Variants in EXOC4 observed in about 807,000 individuals in gnomAD.
The protein encoded by EXOC4 is exocyst complex component 4.
In EXOC4, 71 loss-of-function variants were observed where a neutral mutation model predicts 107.2. That is an observed-to-expected ratio of 0.66 (90% CI 0.55 to 0.81). EXOC4 has a LOEUF of 0.81. EXOC4 is among the 30% of genes least tolerant of loss of function. The pLI, the probability that EXOC4 is intolerant of heterozygous loss-of-function variation, is 0.00. For missense variants in EXOC4, 1,108 were observed against 1,189.6 expected (o/e 0.93, Z 1.01); for synonymous variants, 456 against 441.2 (o/e 1.03, Z -0.42).
At chr7:133,939,449 A>G (rs1222076891) in intron 14 of EXOC4, among the ~76,000 whole-genome samples, 1 of 152,188 alleles carries the variant, frequency 6.6e-6, no homozygotes, top group Non-Finnish European at 1.5e-5. Flanking sequence ...TGGGCTTCAG[A>G]GGGAGATCAT....
At chr7:133,306,134 ATGT>A in intron 4 of EXOC4, 73 bp downstream of exon 4, 1 of 1,282,004 alleles carries the variant, frequency 7.8e-7, no homozygotes, top group Non-Finnish European at 1.1e-6. Flanking sequence ...GTTTCCCAGA[ATGT>A]TGTTGTAATT....
chr7:133,599,679 A>G (rs1043054877), intron 9 of EXOC4, among the ~76,000 whole-genome samples: 1 of 152,118 alleles, frequency 6.6e-6, no homozygotes, highest in East Asian at 1.9e-4. Flanking sequence ...GCAGAGACCA[A>G]ACCTTTTATT....
chr7:133,677,622 C>T (rs1260626412), intron 10 of EXOC4, among the ~76,000 whole-genome samples: 4 of 152,052 alleles, frequency 2.6e-5, no homozygotes, highest in Non-Finnish European at 2.9e-5. Context: ...AGGTTAATTT[C>T]GCAAATATTT....
the EXOC4 span, among the ~76,000 whole-genome samples, chr7:134,090,878 T>A: frequency 6.6e-6 from 1 of 152,002 alleles, no homozygotes; most frequent in Non-Finnish European, 1.5e-5. Flanking sequence ...CAGAAGGGAC[T>A]TTACCGAGAG....
chr7:133,926,042 C>CAAA lies in EXOC4; in HGVS notation c.2027+8321_2027+8323dup, dbSNP rs552126104. On this transcript the variant is annotated intron_variant, in intron 13 of 17. Transcript: ENST00000253861. ...TAGGCAACAGAGCAAGACTCCGTCT[C>CAAA]AAAAAAAAAAAAAAAAAAAGAAGAA... is the stretch of plus-strand genomic sequence containing the variant. Among the ~76,000 whole-genome samples, 67 of 104,628 alleles carry CAAA rather than the reference C, an allele frequency of 6.4e-4. 1 individual carries two copies. The highest frequency in any genetic ancestry group is 1.9e-3 in the African/African-American group (57 of 29,354). 68.6% of individuals were successfully genotyped at this position (104,628 alleles called of 152,430 possible).
intron 11 of EXOC4, among the ~76,000 whole-genome samples, chr7:133,835,717 A>G (rs922307494): frequency 3.3e-5 from 5 of 152,198 alleles, no homozygotes; most frequent in Non-Finnish European, 2.9e-5. Context: ...AAATCATGCT[A>G]TAGTTCATAT....
intron 10 of EXOC4, among the ~76,000 whole-genome samples, chr7:133,745,476 C>T (rs1795654329): frequency 6.6e-6 from 1 of 151,956 alleles, no homozygotes; most frequent in African/African-American, 2.4e-5. Flanking sequence ...ATTTTGTACA[C>T]AGTGTTCTAT....
At chr7:133,974,565 C>T (rs1212717857) in intron 14 of EXOC4, among the ~76,000 whole-genome samples, 1 of 152,084 alleles carries the variant, frequency 6.6e-6, no homozygotes, top group Non-Finnish European at 1.5e-5. Context: ...TATTATTCTC[C>T]AGACATACCT....
downstream of EXOC4, among the ~76,000 whole-genome samples, chr7:134,067,634 TATATACACACACAC>T (rs1482186844): frequency 3.7e-5 from 5 of 133,758 alleles, no homozygotes; most frequent in East Asian, 2.2e-4. Flanking sequence ...CTTATATATA[TATATACACACACAC>T]ACACACACAC....
At chr7:133,993,311 A>G (rs779084470) in intron 14 of EXOC4, among the ~76,000 whole-genome samples, 1 of 152,184 alleles carries the variant, frequency 6.6e-6, no homozygotes, top group East Asian at 1.9e-4. Context: ...TCAATGTTAC[A>G]TGAGTTTTAG....
chr7:133,550,488 T>A (rs1239305644), intron 9 of EXOC4, among the ~76,000 whole-genome samples: 2 of 152,204 alleles, frequency 1.3e-5, no homozygotes, highest in East Asian at 1.9e-4. Context: ...TTTGAGACTA[T>A]AAAATCTATA....
intron 11 of EXOC4, among the ~76,000 whole-genome samples, chr7:133,879,356 A>G (rs1798916795): frequency 6.6e-6 from 1 of 152,050 alleles, no homozygotes; most frequent in Admixed American, 6.5e-5. Context: ...GGCCTCCCTA[A>G]GTGCTGGGAT....
chr7:134,043,398 G>A (rs1563102394), intron 17 of EXOC4, among the ~76,000 whole-genome samples: 1 of 152,078 alleles, frequency 6.6e-6, no homozygotes, highest in African/African-American at 2.4e-5. Flanking sequence ...TGCTCAAATG[G>A]TTTGTAAACA....
intron 12 of EXOC4, among the ~76,000 whole-genome samples, chr7:133,913,435 T>G (rs1424268581): frequency 6.6e-6 from 1 of 152,234 alleles, no homozygotes; most frequent in African/African-American, 2.4e-5. Context: ...GTTACAAGGT[T>G]ATTGCCAAGT....
chr7:133,406,774 G>A (rs1411994257), intron 7 of EXOC4, among the ~76,000 whole-genome samples: 3 of 152,230 alleles, frequency 2.0e-5, no homozygotes, highest in Non-Finnish European at 4.4e-5. Context: ...GACAGTGTCA[G>A]TTGATAAAAA....
At chr7:133,749,093 G>T (rs1292487556) in intron 10 of EXOC4, among the ~76,000 whole-genome samples, 1 of 152,184 alleles carries the variant, frequency 6.6e-6, no homozygotes, top group Non-Finnish European at 1.5e-5. Flanking sequence ...ATACATGAGA[G>T]ATAAATACTT....
chr7:133,703,859 A>G (rs1207467365), intron 10 of EXOC4, among the ~76,000 whole-genome samples: 2 of 152,226 alleles, frequency 1.3e-5, no homozygotes, highest in Non-Finnish European at 2.9e-5. Flanking sequence ...ATCAGCGATG[A>G]CCTTGGCAAA....
intron 7 of EXOC4, among the ~76,000 whole-genome samples, chr7:133,393,109 C>G (rs1584880379): frequency 6.6e-6 from 1 of 152,142 alleles, no homozygotes; most frequent in East Asian, 1.9e-4. Context: ...CTCTGAATAC[C>G]TTCTCTGATA....
intron 2 of EXOC4, among the ~76,000 whole-genome samples, chr7:133,287,541 C>T (rs1022540789): frequency 6.6e-6 from 1 of 152,122 alleles, no homozygotes; most frequent in African/African-American, 2.4e-5. Flanking sequence ...TCTCGATCTC[C>T]TGACCTCGTG....
Sources: gnomAD v4.1 joint callset for allele counts (sites outside exome capture counted in the v4.1 genomes callset) on GRCh38, gnomAD v4.1.1 for gene constraint, MANE v1.5 for transcripts, NCBI Gene and HGNC (gene_info 2026-07-23, HGNC 2026-07-21) for gene names.